The following MAGI2 variants were observed in gnomAD, a reference collection of about 807,000 sequenced individuals.
The protein encoded by MAGI2 is membrane associated guanylate kinase, WW and PDZ domain containing 2, also known as membrane-associated guanylate kinase, WW and PDZ domain-containing protein 2.
In MAGI2, 35 loss-of-function variants were observed where a neutral mutation model predicts 133.3. The observed-to-expected ratio is 0.26, with a 90% CI of 0.20 to 0.35. MAGI2 has a LOEUF of 0.35. MAGI2 is among the 10% of genes least tolerant of loss of function. MAGI2 has a pLI of 1.00. For missense variants in MAGI2, 1,636 were observed against 1,863.4 expected, an observed-to-expected ratio of 0.88 and a Z score of 2.25; for synonymous variants, 729 against 710.6, an observed-to-expected ratio of 1.03 and a Z score of -0.41.
chr7:79,453,635 G>C lies in MAGI2; in HGVS notation c.-315C>G. 5.7e-6 allele frequency: 5 copies of C among 872,282 alleles called. No individual in the cohort carries two copies. Among genetic ancestry groups the C allele is most frequent in the Non-Finnish European group, 5.7e-6 (4 of 704,114 alleles). The allele number at this position is 872,282 out of a possible 1,614,324, so 54.0% of individuals were successfully genotyped here. A position where few individuals can be genotyped will look rare whatever the true frequency, so the allele number is the denominator to read the frequency against. ...TCGGCGGCGGCGGCGGCGGCAGCCG[G>C]AGCGAGCAGTAGCCGAGCTGGTGAG... On this transcript the variant is annotated 5_prime_UTR_variant, in exon 1 of 22. Coordinates refer to ENST00000354212, the MANE Select transcript of MAGI2 (RefSeq NM_012301.4).
At chr7:78,302,549 C>G (rs547372986) in intron 9 of MAGI2, among the ~76,000 whole-genome samples, 4 of 152,148 alleles carry the variant, frequency 2.6e-5, no homozygotes, top group Non-Finnish European at 5.9e-5. Flanking sequence ...GTTTCACAAA[C>G]CACCTGGTTT....
chr7:79,058,608 T>C (rs117949523), intron 1 of MAGI2, among the ~76,000 whole-genome samples: 2 of 152,252 alleles, frequency 1.3e-5, no homozygotes, highest in Non-Finnish European at 2.9e-5. Flanking sequence ...ATAGTTTTGT[T>C]ATTACAAGGG....
At chr7:79,274,209 T>C (rs2129557436) in intron 1 of MAGI2, among the ~76,000 whole-genome samples, 1 of 152,262 alleles carries the variant, frequency 6.6e-6, no homozygotes, top group South Asian at 2.1e-4. Context: ...GACATTCAAA[T>C]TTAACTGAGC....
chr7:78,463,747 T>G (rs1490349189), intron 6 of MAGI2, among the ~76,000 whole-genome samples: 1 of 152,196 alleles, frequency 6.6e-6, no homozygotes, highest in East Asian at 1.9e-4. Flanking sequence ...CAAGGAAGAA[T>G]AAAGACTGTC....
At chr7:79,452,351 G>A (rs1406313380) in intron 1 of MAGI2, among the ~76,000 whole-genome samples, 2 of 152,212 alleles carry the variant, frequency 1.3e-5, no homozygotes, top group Admixed American at 1.3e-4. Flanking sequence ...TAGTCAGTAC[G>A]CACGTGACGC....
chr7:78,697,072 A>G (rs1255205022), intron 2 of MAGI2, among the ~76,000 whole-genome samples: 2 of 152,226 alleles, frequency 1.3e-5, no homozygotes, highest in Non-Finnish European at 2.9e-5. Flanking sequence ...AGGTGAAACT[A>G]TAATTTGCCA....
chr7:79,348,864 G>T (rs1400102893), intron 1 of MAGI2, among the ~76,000 whole-genome samples: 1 of 151,782 alleles, frequency 6.6e-6, no homozygotes, highest in Non-Finnish European at 1.5e-5. Flanking sequence ...TAATCACTGT[G>T]CTCTCTTCTC....
intron 1 of MAGI2, among the ~76,000 whole-genome samples, chr7:79,193,947 A>G (rs1216626808): frequency 1.4e-4 from 22 of 151,836 alleles, no homozygotes. Context: ...TTGATCACAT[A>G]GAAAATCTTT....
chr7:79,311,073 A>G (rs1194568203), intron 1 of MAGI2, among the ~76,000 whole-genome samples: 1 of 151,882 alleles, frequency 6.6e-6, no homozygotes, highest in African/African-American at 2.4e-5. Flanking sequence ...CAATTTTCCT[A>G]CTTCCATATT....
chr7:78,299,747 T>C (rs1364851565), intron 9 of MAGI2, among the ~76,000 whole-genome samples: 10 of 152,050 alleles, frequency 6.6e-5, no homozygotes, highest in Admixed American at 3.3e-4. Context: ...CCTGATCCTC[T>C]CCCTCCTCTC....
At chr7:78,981,895 C>G (rs185079471) in intron 2 of MAGI2, among the ~76,000 whole-genome samples, 9 of 151,972 alleles carry the variant, frequency 5.9e-5, no homozygotes, top group Admixed American at 5.9e-4. Flanking sequence ...CCTAGAGCCT[C>G]AGACCAAGAC....
At chr7:78,772,137 C>A (rs535906432) in intron 2 of MAGI2, among the ~76,000 whole-genome samples, 1 of 152,284 alleles carries the variant, frequency 6.6e-6, no homozygotes, top group African/African-American at 2.4e-5. Context: ...TTGACACCAT[C>A]TTCTCCTCTG....
chr7:78,818,625 T>C (rs1789812992), intron 2 of MAGI2, among the ~76,000 whole-genome samples: 2 of 152,224 alleles, frequency 1.3e-5, no homozygotes, highest in South Asian at 2.1e-4. Flanking sequence ...GAAACTACTT[T>C]GGTATGTGTG....
chr7:78,559,607 G>A (rs1584633408), intron 3 of MAGI2, among the ~76,000 whole-genome samples: 1 of 152,214 alleles, frequency 6.6e-6, no homozygotes, highest in South Asian at 2.1e-4. Context: ...TTGTCCTGCT[G>A]AAAGGGAACC....
intron 21 of MAGI2, among the ~76,000 whole-genome samples, chr7:78,040,257 TCCTTTGGATCA>T: frequency 6.6e-6 from 1 of 152,182 alleles, no homozygotes; most frequent in Non-Finnish European, 1.5e-5. Flanking sequence ...GTAAGCGACT[TCCTTTGGATCA>T]CCTTGCAGGC....
At chr7:78,677,989 C>G (rs1007520804) in intron 2 of MAGI2, among the ~76,000 whole-genome samples, 3 of 152,018 alleles carry the variant, frequency 2.0e-5, no homozygotes, top group African/African-American at 4.8e-5. Flanking sequence ...GCACAGAAAA[C>G]TTCCAAGAAA....
chr7:78,658,382 C>T (rs1419795812), intron 2 of MAGI2, among the ~76,000 whole-genome samples: 1 of 152,140 alleles, frequency 6.6e-6, no homozygotes, highest in African/African-American at 2.4e-5. Context: ...CTATAAACCT[C>T]TTAGAAGAAA....
At chr7:78,315,496 CA>C (rs1267349722) in intron 9 of MAGI2, among the ~76,000 whole-genome samples, 4 of 152,106 alleles carry the variant, frequency 2.6e-5, no homozygotes, top group Non-Finnish European at 5.9e-5. Context: ...AAACACGGAT[CA>C]GGGGTATTAT....
chr7:78,955,732 T>TCTTTCTTCCTTC (rs1476129528), intron 2 of MAGI2, among the ~76,000 whole-genome samples: 1 of 33,698 alleles, frequency 3.0e-5, no homozygotes, highest in African/African-American at 9.1e-5. Context: ...TCTCTTTCTT[T>TCTTTCTTCCTTC]CTTTCTTTCT....
Sources: gnomAD v4.1 joint callset for allele counts (sites outside exome capture counted in the v4.1 genomes callset) on GRCh38, gnomAD v4.1.1 for gene constraint, MANE v1.5 for transcripts, NCBI Gene and HGNC (gene_info 2026-07-23, HGNC 2026-07-21) for gene names.